SRGAP3: variants seen among roughly 807,000 people sequenced by gnomAD.
SRGAP3 encodes SLIT-ROBO Rho GTPase activating protein 3, also known as SLIT-ROBO Rho GTPase-activating protein 3.
In SRGAP3, 39 loss-of-function variants were observed where a neutral mutation model predicts 121.1. That is an observed-to-expected ratio of 0.32 (90% CI 0.25 to 0.42). The LOEUF is 0.42. SRGAP3 is among the 10% of genes least tolerant of loss of function. SRGAP3 has a pLI of 1.00. For missense variants in SRGAP3, 1,213 were observed against 1,470.6 expected, an observed-to-expected ratio of 0.82 and a Z score of 2.86; for synonymous variants, 601 against 570.0, an observed-to-expected ratio of 1.05 and a Z score of -0.77.
intron 1 of SRGAP3, among the ~76,000 whole-genome samples, chr3:9,145,074 T>A: frequency 6.6e-6 from 1 of 152,186 alleles, no homozygotes; most frequent in Non-Finnish European, 1.5e-5. Context: ...AGGGATACTT[T>A]CCTTTCTCTC....
intron 1 of SRGAP3, among the ~76,000 whole-genome samples, chr3:9,240,408 A>C (rs901692284): frequency 3.9e-5 from 6 of 152,126 alleles, no homozygotes; most frequent in Admixed American, 2.0e-4. Context: ...ATAGCTGTGA[A>C]GGAAAGGACT....
At chr3:9,296,256 C>G (rs1186525757) in intron 3 of SRGAP3, among the ~76,000 whole-genome samples, 1 of 152,224 alleles carries the variant, frequency 6.6e-6, no homozygotes, top group Admixed American at 6.5e-5. Context: ...ACATCCCCAA[C>G]AGCAATGCGC....
chr3:9,020,658 A>G (rs1024080977), intron 14 of SRGAP3, among the ~76,000 whole-genome samples: 1 of 152,194 alleles, frequency 6.6e-6, no homozygotes, highest in African/African-American at 2.4e-5. Flanking sequence ...CAAGGCTCTC[A>G]GTCCATAAAT....
chr3:9,218,792 C>T lies in SRGAP3; in HGVS notation c.67+30093G>A, dbSNP rs184829826. Among the ~76,000 whole-genome samples the T allele has an allele frequency of 3.3e-5, 5 of 152,092 alleles. No homozygotes were observed. Among genetic ancestry groups the T allele is most frequent in the Non-Finnish European group, 7.4e-5 (5 of 67,948 alleles). On this transcript the variant is annotated intron_variant, in intron 1 of 21. Coordinates refer to ENST00000383836, the MANE Select transcript of SRGAP3 (RefSeq NM_014850.4). The surrounding 1 kb of genome is among the most constrained non-coding windows in gnomAD (Gnocchi z 5.3). ...GATTCAAGTGATCCTCCCACCTCAG[C>T]CTCTCTAGTAGCTGGGAATACAGGT... is the stretch of plus-strand genomic sequence containing the variant.
chr3:9,197,769 AT>A (rs1477621346), intron 1 of SRGAP3, among the ~76,000 whole-genome samples: 1 of 152,252 alleles, frequency 6.6e-6, no homozygotes, highest in Non-Finnish European at 1.5e-5. Flanking sequence ...CTACATTGTT[AT>A]TAGTTATTAC....
rs530466337 is a variant in SRGAP3, at chr3:9,158,234, T to C, written c.68-33317A>G. On this transcript the variant is annotated intron_variant, in intron 1 of 21. Transcript: ENST00000383836. ...CTGGGAGGGTTCTGTAGGATACTAT[T>C]ACAGAAGCTGGTTCTTTACAAGGAG... Among the ~76,000 whole-genome samples, 13 of 152,288 alleles carry C rather than the reference T, an allele frequency of 8.5e-5. No individual in the cohort carries two copies. In the South Asian group the frequency reaches 2.5e-3, roughly 29 times the overall value.
chr3:9,096,947 A>G (rs1167823646), intron 3 of SRGAP3, among the ~76,000 whole-genome samples: 111 of 78,194 alleles, frequency 1.4e-3, no homozygotes, highest in Middle Eastern at 5.7e-3. Context: ...GTATATATAT[A>G]TATATATATA....
intron 5 of SRGAP3, among the ~76,000 whole-genome samples, chr3:9,061,872 C>T (rs1199076544): frequency 6.6e-6 from 1 of 152,200 alleles, no homozygotes; most frequent in African/African-American, 2.4e-5. Flanking sequence ...AGGAAGTGGG[C>T]TGGAGAGCTG....
intron 2 of SRGAP3, among the ~76,000 whole-genome samples, chr3:9,122,382 T>C (rs910698480): frequency 6.6e-6 from 1 of 152,176 alleles, no homozygotes; most frequent in African/African-American, 2.4e-5. Context: ...ATGTTATTAA[T>C]AGAGGCTTCC....
At chr3:9,161,496 G>T (rs1208346005) in intron 1 of SRGAP3, among the ~76,000 whole-genome samples, 2 of 152,194 alleles carry the variant, frequency 1.3e-5, no homozygotes, top group Admixed American at 1.3e-4. Flanking sequence ...CTTGCCCAAG[G>T]TCACGTGGGC....
intron 3 of SRGAP3, among the ~76,000 whole-genome samples, chr3:9,090,362 G>C (rs1947701610): frequency 6.6e-6 from 1 of 151,492 alleles, no homozygotes; most frequent in African/African-American, 2.4e-5. Context: ...TAGGAAACTA[G>C]AGAGGAGTAA....
intron 3 of SRGAP3, among the ~76,000 whole-genome samples, chr3:9,084,045 T>C (rs960644550): frequency 9.2e-5 from 14 of 152,220 alleles, no homozygotes; most frequent in Non-Finnish European, 1.3e-4. Context: ...AATGCGATAG[T>C]ATCTTCCTGG....
intron 3 of SRGAP3, among the ~76,000 whole-genome samples, chr3:9,100,288 C>T (rs540468965): frequency 1.3e-5 from 2 of 152,308 alleles, no homozygotes; most frequent in East Asian, 1.9e-4. Flanking sequence ...AACCTCCTTT[C>T]CCCATTCAGC....
At chr3:9,313,732 C>G (rs1049000237) in intron 3 of SRGAP3, among the ~76,000 whole-genome samples, 1 of 151,806 alleles carries the variant, frequency 6.6e-6, no homozygotes, top group Non-Finnish European at 1.5e-5. Flanking sequence ...TGGTGGCTCA[C>G]GCCTGTAATC....
intron 6 of SRGAP3, chr3:9,059,569 G>C (rs1453495231): frequency 6.3e-6 from 1 of 159,056 alleles, no homozygotes; most frequent in Admixed American, 6.0e-5. Flanking sequence ...GAGGACATGA[G>C]AGAAACAGTC....
chr3:9,077,273 A>T (rs1947017785), intron 4 of SRGAP3, among the ~76,000 whole-genome samples: 1 of 151,918 alleles, frequency 6.6e-6, no homozygotes, highest in Non-Finnish European at 1.5e-5. Context: ...GGAAGCACCA[A>T]GGATGTACAA....
chr3:9,199,889 C>T (rs949426182), intron 1 of SRGAP3, among the ~76,000 whole-genome samples: 1 of 152,160 alleles, frequency 6.6e-6, no homozygotes, highest in Non-Finnish European at 1.5e-5. Flanking sequence ...AGACAGACAC[C>T]ATTGAGCTCT....
intron 1 of SRGAP3, among the ~76,000 whole-genome samples, chr3:9,346,238 A>T (rs1955889421): frequency 6.6e-6 from 1 of 151,400 alleles, no homozygotes; most frequent in Non-Finnish European, 1.5e-5. Flanking sequence ...CTATCTTTAA[A>T]TTTTTTTATT....
intron 1 of SRGAP3, among the ~76,000 whole-genome samples, chr3:9,161,102 C>T (rs371599958): frequency 3.9e-5 from 6 of 152,112 alleles, no homozygotes; most frequent in Admixed American, 2.0e-4. Context: ...GAATGTTTGA[C>T]GAGGAATTGA....
Sources: allele counts gnomAD v4.1 joint callset (sites outside exome capture counted in the v4.1 genomes callset), GRCh38; gene constraint gnomAD v4.1.1; non-coding constraint Gnocchi (gnomAD v3.1); transcripts MANE v1.5; gene names NCBI Gene and HGNC (gene_info 2026-07-23, HGNC 2026-07-21).